The following TMEM74 variants were observed in gnomAD, a reference collection of about 807,000 sequenced individuals.
TMEM74 encodes the protein transmembrane protein 74.
Under a neutral mutation model 18.1 loss-of-function variants are expected in TMEM74, and 13 were observed. The ratio of observed to expected loss-of-function variants is 0.72; its 90% CI spans 0.47 to 1.14. The LOEUF (loss-of-function observed/expected upper bound fraction) is 1.14, where lower values mean the gene tolerates loss of function less well. TMEM74 is among the 50% of genes most tolerant of loss of function. The probability of loss-of-function intolerance (pLI) is 0.00; values close to 1 mark genes in which losing one functional copy is unlikely to be tolerated. For missense variants in TMEM74, 372 were observed against 375.9 expected, an observed-to-expected ratio of 0.99 and a Z score of 0.09; for synonymous variants, 159 against 146.6, an observed-to-expected ratio of 1.08 and a Z score of -0.61.
At chr8:108,714,468 G>GA (rs1204961579) in intron 1 of TMEM74, among the ~76,000 whole-genome samples, 2 of 152,138 alleles carry the variant, frequency 1.3e-5, no homozygotes, top group East Asian at 3.9e-4. Flanking sequence ...TAAGAATAAA[G>GA]AAAAAATTCT....
At chr8:108,623,791 C>A (rs1249704558) in intron 2 of TMEM74, among the ~76,000 whole-genome samples, 1 of 151,990 alleles carries the variant, frequency 6.6e-6, no homozygotes, top group Non-Finnish European at 1.5e-5. Context: ...TCTCATGGGA[C>A]ATTTGGCCAT....
At chr8:108,647,526 A>G (rs1357769551) in intron 2 of TMEM74, among the ~76,000 whole-genome samples, 1 of 151,720 alleles carries the variant, frequency 6.6e-6, no homozygotes, top group Non-Finnish European at 1.5e-5. Context: ...TTAAAGTAGG[A>G]AAAAAAAAGT....
intron 1 of TMEM74, among the ~76,000 whole-genome samples, chr8:108,770,201 A>G (rs1814156232): frequency 6.6e-6 from 1 of 152,148 alleles, no homozygotes; most frequent in Non-Finnish European, 1.5e-5. Context: ...AGGAAGTTCA[A>G]TTTGTGAGTA....
At chr8:108,666,177 C>A (rs1175248773) in intron 1 of TMEM74, among the ~76,000 whole-genome samples, 1 of 152,054 alleles carries the variant, frequency 6.6e-6, no homozygotes, top group African/African-American at 2.4e-5. Context: ...TAAGAGAGAG[C>A]CTGGTGATAT....
intron 1 of TMEM74, among the ~76,000 whole-genome samples, chr8:108,736,512 A>G (rs1813751125): frequency 6.6e-6 from 1 of 152,128 alleles, no homozygotes; most frequent in Non-Finnish European, 1.5e-5. Context: ...GTATCATAGA[A>G]GCTATAGTTT....
At chr8:108,657,856 AAAAATATATATATATATATATAT>A (rs1393010874) in intron 1 of TMEM74, among the ~76,000 whole-genome samples, 2 of 69,822 alleles carry the variant, frequency 2.9e-5, no homozygotes, top group African/African-American at 1.4e-4. Flanking sequence ...AAAAAAAAAA[AAAAATATATATATATATATATAT>A]ATATATATAT....
At chr8:108,733,132 C>T (rs1813712085) in intron 1 of TMEM74, among the ~76,000 whole-genome samples, 2 of 152,004 alleles carry the variant, frequency 1.3e-5, no homozygotes, top group East Asian at 1.9e-4. Context: ...TACCCTATGA[C>T]CCAGCAATTA....
downstream of TMEM74, among the ~76,000 whole-genome samples, chr8:108,774,174 T>C (rs1159360329): frequency 6.6e-6 from 1 of 152,206 alleles, no homozygotes; most frequent in Non-Finnish European, 1.5e-5. Flanking sequence ...AAGCAGGTCA[T>C]ACCTTGTGGA....
At chr8:108,609,097 A>T (rs1391853051) in intron 2 of TMEM74, among the ~76,000 whole-genome samples, 1 of 152,208 alleles carries the variant, frequency 6.6e-6, no homozygotes, top group Non-Finnish European at 1.5e-5. Context: ...TGCAAAGTTT[A>T]TGGTTTCCCT....
At chr8:108,622,049 G>A (rs1812445472) in intron 2 of TMEM74, among the ~76,000 whole-genome samples, 1 of 151,950 alleles carries the variant, frequency 6.6e-6, no homozygotes, top group African/African-American at 2.4e-5. Context: ...TCCAAACCCA[G>A]GATTTCACAT....
intron 1 of TMEM74, among the ~76,000 whole-genome samples, chr8:108,692,332 C>A (rs908012928): frequency 6.6e-6 from 1 of 152,196 alleles, no homozygotes; most frequent in African/African-American, 2.4e-5. Flanking sequence ...TCAGAAGCAT[C>A]TCACTCATGA....
chr8:108,735,176 T>C (rs886582916), intron 1 of TMEM74, among the ~76,000 whole-genome samples: 1 of 152,336 alleles, frequency 6.6e-6, no homozygotes, highest in African/African-American at 2.4e-5. Flanking sequence ...GACCCAGTCA[T>C]TGCCAATTTT....
chr8:108,626,033 G>T (rs1267344883), intron 2 of TMEM74, among the ~76,000 whole-genome samples: 3 of 151,960 alleles, frequency 2.0e-5, no homozygotes, highest in South Asian at 2.1e-4. Context: ...CTGAGAGCCA[G>T]AATTGGGATT....
Position 108,780,724 on chromosome 8 carries a change from T to C in TMEM74, c.*3457A>G, listed in dbSNP as rs532006451. 1.3e-5 allele frequency among the ~76,000 whole-genome samples: 2 copies of C among 152,272 alleles called. No individual in the cohort carries two copies. Among genetic ancestry groups the C allele is most frequent in the East Asian group, 1.9e-4 (1 of 5,174 alleles). ...ACAGAATCAAGGGTTATAGCAGTCATGTGGGTAAAAGCAACCATGGCCTCC... is the reference window on the plus strand; with the variant it reads ...ACAGAATCAAGGGTTATAGCAGTCACGTGGGTAAAAGCAACCATGGCCTCC... On this transcript the variant is annotated 3_prime_UTR_variant, in exon 2 of 2. Coordinates refer to ENST00000297459, the MANE Select transcript of TMEM74 (RefSeq NM_153015.3).
intron 1 of TMEM74, among the ~76,000 whole-genome samples, chr8:108,745,557 C>T (rs1813840719): frequency 6.6e-6 from 1 of 152,080 alleles, no homozygotes; most frequent in African/African-American, 2.4e-5. Flanking sequence ...TTTGCTGACT[C>T]TGGTGTATAT....
chr8:108,710,623 G>A (rs1261076315), intron 1 of TMEM74, among the ~76,000 whole-genome samples: 1 of 152,200 alleles, frequency 6.6e-6, no homozygotes, highest in African/African-American at 2.4e-5. Context: ...ACTCACACTA[G>A]TTCTTCTACA....
chr8:108,681,180 T>C (rs1398952127), intron 1 of TMEM74, among the ~76,000 whole-genome samples: 2 of 152,266 alleles, frequency 1.3e-5, no homozygotes, highest in East Asian at 3.9e-4. Context: ...AAAGTTCATA[T>C]GGAACCAAAA....
chr8:108,624,638 T>C (rs1342071766), intron 2 of TMEM74, among the ~76,000 whole-genome samples: 1 of 152,086 alleles, frequency 6.6e-6, no homozygotes, highest in Non-Finnish European at 1.5e-5. Context: ...GGACACTCTA[T>C]TTTATATCTT....
intron 3 of TMEM74, among the ~76,000 whole-genome samples, chr8:108,607,955 A>C (rs535210694): frequency 6.6e-6 from 1 of 152,260 alleles, no homozygotes; most frequent in Non-Finnish European, 1.5e-5. Flanking sequence ...ACATGTGTCT[A>C]TGCATGTATT....
Sources: gnomAD v4.1 joint callset for allele counts (sites outside exome capture counted in the v4.1 genomes callset) on GRCh38, gnomAD v4.1.1 for gene constraint, MANE v1.5 for transcripts, NCBI Gene and HGNC (gene_info 2026-07-23, HGNC 2026-07-21) for gene names.